NALCN: variants seen among roughly 807,000 people sequenced by gnomAD.
NALCN encodes sodium leak channel NALCN.
Under a neutral mutation model 225.3 loss-of-function variants are expected in NALCN, and 111 were observed. The ratio of observed to expected loss-of-function variants is 0.49; its 90% confidence interval spans 0.42 to 0.58. The LOEUF is 0.58. Among genes scored for constraint, NALCN ranks in the 20% least tolerant of loss-of-function variants. The probability of loss-of-function intolerance (pLI) is 0.00; values close to 1 mark genes in which losing one functional copy is unlikely to be tolerated. For missense variants in NALCN, 1,378 were observed against 2,202.4 expected, an observed-to-expected ratio of 0.63 and a Z score of 7.49; for synonymous variants, 764 against 769.0, an observed-to-expected ratio of 0.99 and a Z score of 0.11.
intron 10 of NALCN, among the ~76,000 whole-genome samples, chr13:101,275,250 T>A (rs903044492): frequency 6.6e-6 from 1 of 152,044 alleles, no homozygotes; most frequent in Non-Finnish European, 1.5e-5. Flanking sequence ...TTGGGTAATA[T>A]GCAAGGAGAG....
At position 101,055,111 on chromosome 13, in the gene NALCN, T is replaced by TTGA; in HGVS notation, c.*181_*183dup. The stretch of plus-strand genomic sequence containing the variant: ...ATACAAAAATTTTTTTGAGCAATGA[T>TTGA]TGATAGTAACCCATCATACATGCAG... On this transcript the variant is annotated 3_prime_UTR_variant, in exon 44 of 44. Transcript: ENST00000251127. 1 of 584,542 alleles carries TTGA rather than the reference T, an allele frequency of 1.7e-6. No individual in the cohort carries two copies. The highest frequency in any genetic ancestry group is 3.4e-5 in the Admixed American group (1 of 29,534). 36.2% of individuals were successfully genotyped at this position (584,542 alleles called of 1,614,324 possible). A position where few individuals can be genotyped will look rare whatever the true frequency, so the allele number is the denominator to read the frequency against.
intron 18 of NALCN, among the ~76,000 whole-genome samples, chr13:101,115,423 G>A (rs1200380162): frequency 2.6e-5 from 4 of 152,090 alleles, no homozygotes; most frequent in African/African-American, 9.7e-5. Context: ...TCTGTTGCTG[G>A]GAACATAGTC....
chr13:101,412,246 C>T (rs7324183), intron 1 of NALCN, among the ~76,000 whole-genome samples: 65,201 of 151,998 alleles, frequency 0.43, 16,207 homozygotes, highest in East Asian at 0.82. Context: ...ACTGTGATCC[C>T]CTCTGTCAGG....
intron 30 of NALCN, among the ~76,000 whole-genome samples, chr13:101,088,252 T>C (rs1202697593): frequency 6.6e-6 from 1 of 152,070 alleles, no homozygotes; most frequent in Non-Finnish European, 1.5e-5. Flanking sequence ...ATCAAAGGTG[T>C]CAATTGACTG....
At chr13:101,369,649 A>C (rs2046482022) in intron 6 of NALCN, among the ~76,000 whole-genome samples, 1 of 152,194 alleles carries the variant, frequency 6.6e-6, no homozygotes, top group Non-Finnish European at 1.5e-5. Flanking sequence ...TACCCACTGC[A>C]GTACTACACA....
chr13:101,370,680 AATAAAT>A (rs2046514149), intron 6 of NALCN, among the ~76,000 whole-genome samples: 1 of 152,230 alleles, frequency 6.6e-6, no homozygotes, highest in Non-Finnish European at 1.5e-5. Flanking sequence ...AATAGCACAC[AATAAAT>A]AGTGCAGGCA....
intron 10 of NALCN, among the ~76,000 whole-genome samples, chr13:101,262,889 G>T (rs963775827): frequency 1.4e-4 from 22 of 152,124 alleles, no homozygotes; most frequent in African/African-American, 5.3e-4. Flanking sequence ...CCAAAGACTT[G>T]TTATTAATTT....
chr13:101,380,191 C>T (rs1052980902), intron 3 of NALCN, among the ~76,000 whole-genome samples: 3 of 151,972 alleles, frequency 2.0e-5, no homozygotes, highest in African/African-American at 7.2e-5. Context: ...ATCAAAACAA[C>T]CATTCTCTTG....
chr13:101,176,588 G>A (rs2038968275), intron 14 of NALCN, among the ~76,000 whole-genome samples: 1 of 152,104 alleles, frequency 6.6e-6, no homozygotes, highest in Non-Finnish European at 1.5e-5. Context: ...ATGTTAACTT[G>A]CTTTATGAAA....
At chr13:101,415,665 G>A (rs201621852) in intron 1 of NALCN, among the ~76,000 whole-genome samples, 2 of 152,174 alleles carry the variant, frequency 1.3e-5, no homozygotes, top group East Asian at 3.9e-4. Flanking sequence ...TTTTGCGTTC[G>A]GTGTAGCCAC....
intron 13 of NALCN, among the ~76,000 whole-genome samples, chr13:101,220,639 C>T (rs868612044): frequency 1.3e-5 from 2 of 152,050 alleles, no homozygotes; most frequent in African/African-American, 2.4e-5. Flanking sequence ...TGGGAGAGGC[C>T]GAGCTGCTTT....
intron 6 of NALCN, among the ~76,000 whole-genome samples, chr13:101,358,334 G>A (rs1224199516): frequency 6.6e-6 from 1 of 151,824 alleles, no homozygotes; most frequent in Non-Finnish European, 1.5e-5. Flanking sequence ...TATAAGAAAT[G>A]TAAACAAATT....
intron 30 of NALCN, among the ~76,000 whole-genome samples, chr13:101,088,521 G>GT (rs1374034983): frequency 1.3e-5 from 2 of 152,154 alleles, no homozygotes; most frequent in Non-Finnish European, 2.9e-5. Context: ...TTCTGGCCCT[G>GT]TTTATCACAC....
rs1412834246 is a variant in NALCN at position 101,363,230 on chromosome 13, A to AAAAACTATCC, written c.644+13460_644+13469dup. Among the ~76,000 whole-genome samples, 13 of 152,288 alleles carry AAAAACTATCC rather than the reference A, an allele frequency of 8.5e-5. No individual in the cohort carries two copies. In the South Asian group the frequency reaches 2.5e-3, roughly 29 times the overall value. ...CAATGACATTCTTCACAGGAATATA[A>AAAAACTATCC]AAAACTATCCTAAAATTTATATTAA... On this transcript the variant is annotated intron_variant, in intron 6 of 43. Transcript: ENST00000251127.
intron 1 of NALCN, among the ~76,000 whole-genome samples, chr13:101,413,594 G>A (rs76770595): frequency 0.021 from 3,139 of 152,032 alleles, 99 homozygotes; most frequent in African/African-American, 0.072. Context: ...CCAATGCCAC[G>A]ATGACAACTA....
chr13:101,123,114 G>A (rs654755), intron 18 of NALCN, among the ~76,000 whole-genome samples: 36,346 of 152,074 alleles, frequency 0.24, 4,479 homozygotes, highest in East Asian at 0.43. Context: ...GAGTTCCTAG[G>A]GAAGTGAGGT....
intron 7 of NALCN, among the ~76,000 whole-genome samples, chr13:101,334,561 C>T (rs1165853750): frequency 6.6e-6 from 1 of 151,822 alleles, no homozygotes; most frequent in Non-Finnish European, 1.5e-5. Context: ...AATATTTATG[C>T]ATATTGAAAA....
intron 7 of NALCN, among the ~76,000 whole-genome samples, chr13:101,321,668 G>A (rs1003291975): frequency 6.6e-6 from 1 of 152,066 alleles, no homozygotes; most frequent in African/African-American, 2.4e-5. Flanking sequence ...ATTGTAGAAT[G>A]ACCAAATAAA....
At chr13:101,090,074 G>GTA (rs1052238189) in intron 28 of NALCN, 108 bp from the exon 29 acceptor site, 19 of 1,368,764 alleles carry the variant, frequency 1.4e-5, no homozygotes, top group African/African-American at 2.9e-5. Flanking sequence ...GTGTGTGTGT[G>GTA]TATATACACA....
Sources: gnomAD v4.1 joint callset for allele counts (sites outside exome capture counted in the v4.1 genomes callset) on GRCh38, gnomAD v4.1.1 for gene constraint, MANE v1.5 for transcripts, NCBI Gene and HGNC (gene_info 2026-07-23, HGNC 2026-07-21) for gene names.